Variants in GET1 observed in about 807,000 individuals in gnomAD.
GET1 encodes congenital heart disease 5 protein.
A neutral mutation model predicts 22.6 loss-of-function variants in GET1; 20 were observed. The observed-to-expected ratio is 0.89, with a 90% CI of 0.62 to 1.29. The LOEUF (loss-of-function observed/expected upper bound fraction) is 1.29. GET1 is among the 50% of genes most tolerant of loss of function. GET1 has a pLI of 0.00. For missense variants in GET1, 209 were observed against 219.9 expected (o/e 0.95, Z 0.31); for synonymous variants, 92 against 83.8 (o/e 1.10, Z -0.53).
At chr21:39,416,295 G>A (rs1354323293) in intron 1 of GET1, among the ~76,000 whole-genome samples, 1 of 152,122 alleles carries the variant, frequency 6.6e-6, no homozygotes, top group African/African-American at 2.4e-5. Context: ...TATGAAGTGT[G>A]GATTCATTTG....
exon 2 of GET1, chr21:39,428,525 C>A (rs1487463773): frequency 2.3e-6 from 3 of 1,281,470 alleles, no homozygotes; most frequent in South Asian, 1.9e-5. Context: ...AAAGTAAAAC[C>A]TAATAAAAGT....
intron 1 of GET1, among the ~76,000 whole-genome samples, chr21:39,386,813 A>G (rs1291474845): frequency 6.6e-5 from 10 of 152,088 alleles, no homozygotes; most frequent in Non-Finnish European, 1.3e-4. Flanking sequence ...GTCTTGGATT[A>G]ACATTGATAC....
At chr21:39,428,245 A>G in exon 2 of GET1, 1 of 1,603,850 alleles carries the variant, frequency 6.2e-7, no homozygotes, top group Admixed American at 1.7e-5. Flanking sequence ...GCTTTAAATA[A>G]TTTCTATTAA....
downstream of GET1, among the ~76,000 whole-genome samples, chr21:39,408,249 C>T (rs2039450717): frequency 6.6e-6 from 1 of 152,190 alleles, no homozygotes; most frequent in African/African-American, 2.4e-5. Flanking sequence ...AAGTATTAAT[C>T]AAGTGTAAGG....
chr21:39,396,495 TC>T (rs1353735468), intron 4 of GET1, among the ~76,000 whole-genome samples: 3 of 150,952 alleles, frequency 2.0e-5, no homozygotes, highest in Admixed American at 2.0e-4. Flanking sequence ...GCCACTGTAC[TC>T]CCACCTGGGT....
At chr21:39,396,515 G>A (rs1332755656) in intron 4 of GET1, among the ~76,000 whole-genome samples, 2 of 150,852 alleles carry the variant, frequency 1.3e-5, no homozygotes, top group Non-Finnish European at 3.0e-5. Context: ...GTGACAGAGC[G>A]AGACTCTGTC....
At chr21:39,428,198 T>C in intron 1 of GET1, 1 of 1,593,744 alleles carries the variant, frequency 6.3e-7, no homozygotes, top group East Asian at 2.2e-5. Context: ...TTTAGAAACA[T>C]TATACTTTTT....
At chr21:39,418,536 T>C (rs1433016884) in intron 1 of GET1, among the ~76,000 whole-genome samples, 1 of 152,172 alleles carries the variant, frequency 6.6e-6, no homozygotes, top group Non-Finnish European at 1.5e-5. Flanking sequence ...AGCCTCACTC[T>C]GTCACCCAGG....
downstream of GET1, among the ~76,000 whole-genome samples, chr21:39,401,109 TCTGA>T (rs376201417): frequency 2.3e-3 from 353 of 152,040 alleles, 3 homozygotes; most frequent in African/African-American, 7.8e-3. Context: ...GAGAGGAGGG[TCTGA>T]CTGTGTTCCC....
chr21:39,402,315 G>A (rs2038860293), downstream of GET1, among the ~76,000 whole-genome samples: 1 of 152,174 alleles, frequency 6.6e-6, no homozygotes. Flanking sequence ...ATGTTGGCCA[G>A]GCTGATCTCG....
downstream of GET1, among the ~76,000 whole-genome samples, chr21:39,399,911 AT>A (rs36083258): frequency 0.67 from 97,059 of 144,528 alleles, 32,358 homozygotes; most frequent in East Asian, 0.77. Flanking sequence ...TCTTTTTTTA[AT>A]TTTTTTTTTT....
chr21:39,388,864 G>A (rs1569035303), intron 1 of GET1, among the ~76,000 whole-genome samples: 1 of 152,176 alleles, frequency 6.6e-6, no homozygotes, highest in Non-Finnish European at 1.5e-5. Context: ...AGGGAACAGG[G>A]GCCTGCGGGG....
downstream of GET1, among the ~76,000 whole-genome samples, chr21:39,400,996 G>A (rs114945004): frequency 7.0e-3 from 1,053 of 151,192 alleles, 7 homozygotes; most frequent in African/African-American, 0.024. Context: ...CTACAACCTC[G>A]TGCTCCTGGT....
intron 1 of GET1, among the ~76,000 whole-genome samples, chr21:39,383,281 TTTG>T (rs1258991858): frequency 1.4e-5 from 2 of 145,508 alleles, no homozygotes; most frequent in Non-Finnish European, 3.0e-5. Context: ...TTTATTTTAT[TTTG>T]TTTATTTATT....
At chr21:39,416,830 G>T (rs2041260533) in intron 1 of GET1, among the ~76,000 whole-genome samples, 1 of 152,064 alleles carries the variant, frequency 6.6e-6, no homozygotes, top group Admixed American at 6.5e-5. Flanking sequence ...AGTTATTTGT[G>T]TCCTTACAGT....
chr21:39,399,370 G>A (rs541783886), downstream of GET1, among the ~76,000 whole-genome samples: 5 of 152,240 alleles, frequency 3.3e-5, no homozygotes, highest in African/African-American at 7.2e-5. Context: ...GGTGACTGGC[G>A]TTAGCATCTG....
chr21:39,382,518 C>T (rs1251545737), intron 1 of GET1, among the ~76,000 whole-genome samples: 2 of 152,166 alleles, frequency 1.3e-5, no homozygotes, highest in African/African-American at 2.4e-5. Flanking sequence ...AGTATTTTTC[C>T]TTTTGTGACT....
intron 1 of GET1, chr21:39,423,227 G>C: frequency 1.2e-6 from 2 of 1,611,000 alleles, no homozygotes; most frequent in East Asian, 2.2e-5. Context: ...ATTTGAGGTA[G>C]ATTATTTTGT....
At chr21:39,392,189 G>T in intron 3 of GET1, 1 of 227,604 alleles carries the variant, frequency 4.4e-6, no homozygotes, top group South Asian at 6.9e-5. Flanking sequence ...CAATACTTTT[G>T]GCCCTTACTT....
Sources: gnomAD v4.1 joint callset for allele counts (sites outside exome capture counted in the v4.1 genomes callset) on GRCh38, gnomAD v4.1.1 for gene constraint, MANE v1.5 for transcripts, NCBI Gene and HGNC (gene_info 2026-07-23, HGNC 2026-07-21) for gene names.